The following PPP3R1 variants were observed in gnomAD, a reference collection of about 807,000 sequenced individuals.
PPP3R1 encodes the protein calcineurin subunit B type 1.
A neutral mutation model predicts 22.6 loss-of-function variants in PPP3R1; 5 were observed. The observed-to-expected ratio is 0.22, with a 90% confidence interval of 0.12 to 0.46. The LOEUF is 0.46. PPP3R1 is among the 20% of genes least tolerant of loss of function. PPP3R1 has a pLI of 0.99. For synonymous variants in PPP3R1, 56 were observed against 65.2 expected (o/e 0.86, Z 0.68); for missense variants, 61 against 203.2 (o/e 0.30, Z 4.25).
chr2:68,227,848 C>A (rs1669816747), intron 1 of PPP3R1, among the ~76,000 whole-genome samples: 1 of 146,976 alleles, frequency 6.8e-6, no homozygotes, highest in African/African-American at 2.5e-5. Context: ...CGAACTTATT[C>A]ATTAGTACTT....
At chr2:68,231,638 C>A (rs116818032) in intron 1 of PPP3R1, among the ~76,000 whole-genome samples, 1,804 of 152,196 alleles carry the variant, frequency 0.012, 20 homozygotes, top group South Asian at 0.053. Flanking sequence ...ATTTAAAATA[C>A]GTGTAGTTAT....
chr2:68,182,721 C>G (rs182027023), intron 5 of PPP3R1, among the ~76,000 whole-genome samples: 1 of 147,430 alleles, frequency 6.8e-6, no homozygotes, highest in East Asian at 2.0e-4. Flanking sequence ...TGAGGCAACA[C>G]TCCCTCTCAA....
intron 3 of PPP3R1, among the ~76,000 whole-genome samples, chr2:68,188,028 G>A (rs879491994): frequency 6.6e-6 from 1 of 152,142 alleles, no homozygotes; most frequent in African/African-American, 2.4e-5. Flanking sequence ...AAATTAGCCA[G>A]GTGTGGTGGC....
At chr2:68,207,412 C>T (rs560776338) in intron 2 of PPP3R1, among the ~76,000 whole-genome samples, 1 of 152,120 alleles carries the variant, frequency 6.6e-6, no homozygotes, top group South Asian at 2.1e-4. Flanking sequence ...CTACTAAGTT[C>T]TGAGGATTAA....
In PPP3R1 at chr2:68,236,484, G is replaced by T. The variant is rs539815288; in HGVS notation, c.3+15641C>A. Among the ~76,000 whole-genome samples, 25 of 152,278 alleles carry T rather than the reference G, an allele frequency of 1.6e-4. 1 individual carries two copies. The highest frequency in any genetic ancestry group is 4.3e-4 in the African/African-American group (18 of 41,562). On this transcript the variant is annotated intron_variant, in intron 1 of 5. Coordinates refer to ENST00000234310, the MANE Select transcript of PPP3R1 (RefSeq NM_000945.4). ...TAAAATGAACAGCTATGCTCCGCTT[G>T]AAAGAGCTTCGGGGAGACGATAACC...
chr2:68,201,344 C>A (rs1435495226), intron 2 of PPP3R1, among the ~76,000 whole-genome samples: 5 of 152,198 alleles, frequency 3.3e-5, no homozygotes, highest in African/African-American at 1.2e-4. Flanking sequence ...CTTACTTACA[C>A]GTATGGCTCC....
intron 1 of PPP3R1, among the ~76,000 whole-genome samples, chr2:68,248,183 TG>T (rs1346657481): frequency 1.1e-4 from 16 of 152,194 alleles, no homozygotes; most frequent in African/African-American, 3.9e-4. Flanking sequence ...AAGCTCTCTA[TG>T]TGGTGTGCCC....
intron 2 of PPP3R1, among the ~76,000 whole-genome samples, chr2:68,197,071 T>C (rs1480609001): frequency 6.6e-6 from 1 of 152,150 alleles, no homozygotes; most frequent in Non-Finnish European, 1.5e-5. Context: ...ATAACTACCT[T>C]CAAATGATGC....
intron 2 of PPP3R1, among the ~76,000 whole-genome samples, chr2:68,198,651 T>A (rs976282493): frequency 1.3e-5 from 2 of 152,070 alleles, no homozygotes; most frequent in Admixed American, 1.3e-4. Context: ...TTTAAAATGC[T>A]GACTCTTCTA....
At chr2:68,251,649 A>AC (rs1670357940) in intron 1 of PPP3R1, among the ~76,000 whole-genome samples, 2 of 117,656 alleles carry the variant, frequency 1.7e-5, no homozygotes, top group Admixed American at 8.6e-5. Context: ...AGCTCTGGAG[A>AC]GTAAGTGGGT....
intron 5 of PPP3R1, among the ~76,000 whole-genome samples, chr2:68,184,778 CA>C (rs1674499725): frequency 6.6e-6 from 1 of 152,070 alleles, no homozygotes. Context: ...AAAATACAAG[CA>C]AAAAGCAACT....
chr2:68,197,648 TTTATTAGTGAATTGTG>T (rs1674814727), intron 2 of PPP3R1, among the ~76,000 whole-genome samples: 1 of 152,150 alleles, frequency 6.6e-6, no homozygotes, highest in Non-Finnish European at 1.5e-5. Flanking sequence ...TTCATATATT[TTTATTAGTGAATTGTG>T]CTTTTAAAAA....
intron 2 of PPP3R1, among the ~76,000 whole-genome samples, chr2:68,210,796 C>T (rs923543273): frequency 6.6e-6 from 1 of 152,162 alleles, no homozygotes; most frequent in Non-Finnish European, 1.5e-5. Context: ...ATCCAAAAAT[C>T]CAAAATCCAA....
intron 1 of PPP3R1, among the ~76,000 whole-genome samples, chr2:68,222,138 T>C (rs75197636): frequency 0.018 from 2,709 of 152,266 alleles, 87 homozygotes; most frequent in African/African-American, 0.061. Flanking sequence ...AAAGATAACA[T>C]GTTGTGGGGT....
At chr2:68,235,611 C>T (rs921077803) in intron 1 of PPP3R1, among the ~76,000 whole-genome samples, 2 of 152,072 alleles carry the variant, frequency 1.3e-5, no homozygotes, top group Non-Finnish European at 2.9e-5. Context: ...AGTTAATAAA[C>T]ATTTGGACTG....
chr2:68,185,492 A>G (rs1202096365), intron 5 of PPP3R1, among the ~76,000 whole-genome samples: 1 of 147,878 alleles, frequency 6.8e-6, no homozygotes, highest in African/African-American at 2.5e-5. Context: ...AATATACATA[A>G]GATATATACA....
intron 2 of PPP3R1, among the ~76,000 whole-genome samples, chr2:68,198,067 A>AGC: frequency 1.5e-5 from 1 of 67,552 alleles, no homozygotes; most frequent in African/African-American, 5.8e-5. Context: ...TTTGGCAAAA[A>AGC]AAAAAAAAAA....
intron 1 of PPP3R1, among the ~76,000 whole-genome samples, chr2:68,224,344 G>C (rs1301402741): frequency 6.6e-6 from 1 of 152,150 alleles, no homozygotes; most frequent in Non-Finnish European, 1.5e-5. Flanking sequence ...CAATGGTGAA[G>C]GACTTAACAA....
At chr2:68,239,005 T>C (rs985956401) in intron 1 of PPP3R1, among the ~76,000 whole-genome samples, 1 of 151,142 alleles carries the variant, frequency 6.6e-6, no homozygotes, top group Non-Finnish European at 1.5e-5. Flanking sequence ...TGCTGAATAA[T>C]AAACATAATA....
Sources: allele counts gnomAD v4.1 joint callset (sites outside exome capture counted in the v4.1 genomes callset), GRCh38; gene constraint gnomAD v4.1.1; transcripts MANE v1.5; gene names NCBI Gene and HGNC (gene_info 2026-07-23, HGNC 2026-07-21).